The following EFCAB11 variants were observed in gnomAD, a reference collection of about 807,000 sequenced individuals.
EFCAB11 encodes the protein EF-hand calcium-binding domain-containing protein 11.
EFCAB11 carries 14 observed loss-of-function variants against 23.0 expected under a neutral mutation model. The ratio of observed to expected loss-of-function variants is 0.61; its 90% confidence interval spans 0.40 to 0.95. The LOEUF is 0.95. Ranked by LOEUF, EFCAB11 falls within the 40% of genes least tolerant of loss-of-function variation. The probability of loss-of-function intolerance (pLI) is 0.00; values close to 1 mark genes in which losing one functional copy is unlikely to be tolerated. For synonymous variants in EFCAB11, 65 were observed against 66.6 expected, an observed-to-expected ratio of 0.98 and a Z score of 0.11; for missense variants, 198 against 195.8, an observed-to-expected ratio of 1.01 and a Z score of -0.07.
At chr14:89,824,405 C>A (rs532177887) in intron 5 of EFCAB11, among the ~76,000 whole-genome samples, 22 of 150,916 alleles carry the variant, frequency 1.5e-4, no homozygotes, top group Non-Finnish European at 2.8e-4. Context: ...GAAAATAATA[C>A]GAAATGGAAA....
At chr14:89,849,162 T>C (rs1046685761) in intron 5 of EFCAB11, among the ~76,000 whole-genome samples, 4 of 152,232 alleles carry the variant, frequency 2.6e-5, no homozygotes, top group Admixed American at 2.0e-4. Context: ...CCAGCTTTAC[T>C]GTACATCCTT....
intron 5 of EFCAB11, among the ~76,000 whole-genome samples, chr14:89,797,777 C>T (rs530345970): frequency 1.3e-5 from 2 of 152,074 alleles, no homozygotes; most frequent in Admixed American, 1.3e-4. Context: ...ACTAAAAATA[C>T]AAAAAATTAG....
chr14:89,842,614 TATG>T (rs1294651001), intron 5 of EFCAB11, among the ~76,000 whole-genome samples: 2 of 150,922 alleles, frequency 1.3e-5, no homozygotes, highest in African/African-American at 2.5e-5. Flanking sequence ...TATGATATGA[TATG>T]ATATGATATG....
At position 89,814,087 on chromosome 14, in the gene EFCAB11, C is replaced by CT. The variant is rs34695335; in HGVS notation, c.411-16764dup. 9.7e-4 allele frequency among the ~76,000 whole-genome samples: 141 copies of CT among 145,372 alleles called. 2 individuals are homozygous for CT. In the South Asian group the frequency reaches 0.018, roughly 19 times the overall value. On this transcript the variant is annotated intron_variant, in intron 5 of 5. Coordinates refer to ENST00000316738, the MANE Select transcript of EFCAB11 (RefSeq NM_145231.4). ...CTGGGGGGAGAAAAAAAAAACTAAC[C>CT]TTTTTTTTTTTTTCCACTTTGAATC...
At chr14:89,839,603 A>G (rs1887193211) in intron 5 of EFCAB11, among the ~76,000 whole-genome samples, 2 of 152,184 alleles carry the variant, frequency 1.3e-5, no homozygotes, top group Non-Finnish European at 2.9e-5. Context: ...TGTATTAGTC[A>G]ATTCTCACAC....
At position 89,796,555 on chromosome 14, in the gene EFCAB11, C is replaced by T. The variant is rs571937453; in HGVS notation, c.*688G>A. 78 of 152,290 alleles carry T rather than the reference C, an allele frequency of 5.1e-4. No individual in the cohort carries two copies. Among genetic ancestry groups the T allele is most frequent in the African/African-American group, 1.7e-3 (69 of 41,520 alleles). The allele number at this position is 152,290 out of a possible 1,614,324, so 9.4% of individuals were successfully genotyped here. ...TCTCCAATTCCTAGGCTCAAGTGAT[C>T]CTCCTGCTTTGGCCTCCCAAAGTGC... is the stretch of plus-strand genomic sequence containing the variant. On this transcript the variant is annotated 3_prime_UTR_variant, in exon 6 of 6. Coordinates refer to ENST00000316738, the MANE Select transcript of EFCAB11 (RefSeq NM_145231.4).
intron 5 of EFCAB11, chr14:89,923,620 G>T (rs1456893623): frequency 6.7e-6 from 6 of 895,840 alleles, no homozygotes; most frequent in Non-Finnish European, 6.7e-6. Flanking sequence ...AATGAAATAT[G>T]ATTTGTAGGT....
At chr14:89,849,880 T>C (rs1393338901) in intron 5 of EFCAB11, among the ~76,000 whole-genome samples, 1 of 152,240 alleles carries the variant, frequency 6.6e-6, no homozygotes, top group Non-Finnish European at 1.5e-5. Flanking sequence ...AACTAGATTA[T>C]ATTTAGATAA....
Position 89,797,236 on chromosome 14 carries a change from A to C in EFCAB11, c.*7T>G. On this transcript the variant is annotated 3_prime_UTR_variant, in exon 6 of 6. Coordinates refer to ENST00000316738, the MANE Select transcript of EFCAB11 (RefSeq NM_145231.4). The stretch of plus-strand genomic sequence containing the variant: ...TCCCCAGAGTTACCAAAAGTAGTTC[A>C]CAATAGTTAGGCTTCCTTCTGTCCA... 6.2e-7 allele frequency: 1 copy of C among 1,612,684 alleles called. No homozygotes were observed. The highest frequency in any genetic ancestry group is 8.5e-7 in the Non-Finnish European group (1 of 1,179,350).
chr14:89,805,218 T>C (rs951975170), intron 5 of EFCAB11, among the ~76,000 whole-genome samples: 29 of 152,220 alleles, frequency 1.9e-4, no homozygotes, highest in African/African-American at 6.5e-4. Flanking sequence ...ACCTGCTCTG[T>C]GCCATGTAGC....
chr14:89,895,900 C>A (rs1015836699), intron 5 of EFCAB11, among the ~76,000 whole-genome samples: 1 of 152,122 alleles, frequency 6.6e-6, no homozygotes, highest in Admixed American at 6.5e-5. Context: ...AATATTTGTA[C>A]TGAGAACACA....
At chr14:89,948,933 C>A (rs1293678893) in intron 3 of EFCAB11, among the ~76,000 whole-genome samples, 1 of 150,884 alleles carries the variant, frequency 6.6e-6, no homozygotes, top group Non-Finnish European at 1.5e-5. Flanking sequence ...AGAATGGTAA[C>A]TATAGTCAAT....
rs553843449 is a variant in EFCAB11, at chr14:89,832,260, C to T, written c.411-34936G>A. 2.0e-5 allele frequency among the ~76,000 whole-genome samples: 3 copies of T among 152,076 alleles called. No individual in the cohort carries two copies. The South Asian group carries it at 6.2e-4, about 32-fold the overall frequency. On this transcript the variant is annotated intron_variant, in intron 5 of 5. Coordinates refer to ENST00000316738, the MANE Select transcript of EFCAB11 (RefSeq NM_145231.4). ...TCCGGGAGGCAGAGGTTGCAGTGAG[C>T]CGAGACTGCACCACTGCACTCCAGC... is the stretch of plus-strand genomic sequence containing the variant.
intron 5 of EFCAB11, among the ~76,000 whole-genome samples, chr14:89,872,225 G>T (rs1286935): frequency 0.94 from 143,766 of 152,286 alleles, 68,146 homozygotes; most frequent in Non-Finnish European, 0.99. Flanking sequence ...ATTGCTATTT[G>T]CCATGTTTCC....
chr14:89,950,786 C>T (rs575051634), intron 2 of EFCAB11, among the ~76,000 whole-genome samples: 1 of 152,296 alleles, frequency 6.6e-6, no homozygotes, highest in South Asian at 2.1e-4. Flanking sequence ...TTCGCAGCAT[C>T]TGACATAATT....
In EFCAB11 at chr14:89,797,087, G is replaced by A. The variant is rs1885599094; in HGVS notation, c.*156C>T. The A allele has an allele frequency of 1.9e-6, 1 of 515,312 alleles. No individual in the cohort carries two copies. The highest frequency in any genetic ancestry group is 1.9e-5 in the African/African-American group (1 of 52,750). The allele number at this position is 515,312 out of a possible 1,614,324, so 31.9% of individuals were successfully genotyped here. ...TCTCCCGTAACCCATATATGTGTGT[G>A]TATGTATACATATGCACCTACTATG... On this transcript the variant is annotated 3_prime_UTR_variant, in exon 6 of 6. Coordinates refer to ENST00000316738, the MANE Select transcript of EFCAB11 (RefSeq NM_145231.4).
chr14:89,932,703 A>C, intron 3 of EFCAB11, 76 bp from the exon 4 acceptor site: 1 of 1,125,808 alleles, frequency 8.9e-7, no homozygotes, highest in Non-Finnish European at 1.3e-6. Context: ...AGAAATGGAC[A>C]GTAATAAATC....
rs186882610 is a variant in EFCAB11 at position 89,904,913 on chromosome 14, A to G, written c.410+26628T>C. Among the ~76,000 whole-genome samples the G allele has an allele frequency of 2.0e-5, 3 of 152,194 alleles. No individual in the cohort carries two copies. In the East Asian group the frequency reaches 5.8e-4, roughly 29 times the overall value. ...GTAGATTGCAAAAATTTTCTCCCAG[A>G]TGGGATCCTTTGTTGGGGGTGGTCA... On this transcript the variant is annotated intron_variant, in intron 5 of 5. Transcript: ENST00000316738.
At chr14:89,831,589 GTTTACATACTCAGA>G (rs1352868867) in intron 5 of EFCAB11, among the ~76,000 whole-genome samples, 2 of 152,092 alleles carry the variant, frequency 1.3e-5, no homozygotes, top group Non-Finnish European at 2.9e-5. Context: ...GTATATATTA[GTTTACATACTCAGA>G]AAAATTTGGA....
Sources: gnomAD v4.1 joint callset for allele counts (sites outside exome capture counted in the v4.1 genomes callset) on GRCh38, gnomAD v4.1.1 for gene constraint, MANE v1.5 for transcripts, NCBI Gene and HGNC (gene_info 2026-07-23, HGNC 2026-07-21) for gene names.